The following DGKZ variants were observed in gnomAD, a reference collection of about 807,000 sequenced individuals.
The protein encoded by DGKZ is DAG kinase zeta.
DGKZ carries 45 observed loss-of-function variants against 142.5 expected under a neutral mutation model. The observed-to-expected ratio is 0.32, with a 90% CI of 0.25 to 0.40. DGKZ has a LOEUF of 0.40. DGKZ is among the 10% of genes least tolerant of loss of function. DGKZ has a pLI of 1.00. For synonymous variants in DGKZ, 442 were observed against 527.0 expected (o/e 0.84, Z 2.21); for missense variants, 755 against 1,306.5 (o/e 0.58, Z 6.51).
chr11:46,354,758 C>CCT (rs762377545), intron 1 of DGKZ, among the ~76,000 whole-genome samples: 2 of 152,218 alleles, frequency 1.3e-5, no homozygotes, highest in African/African-American at 2.4e-5. Context: ...TAGCAACATA[C>CCT]AGTGCTGTTT....
intron 6 of DGKZ, among the ~76,000 whole-genome samples, chr11:46,370,251 G>A (rs1943795745): frequency 6.6e-6 from 1 of 152,254 alleles, no homozygotes; most frequent in African/African-American, 2.4e-5. Flanking sequence ...CTGCTTTGAA[G>A]CTGCAAGTGG....
intron 1 of DGKZ, among the ~76,000 whole-genome samples, chr11:46,356,121 A>G (rs867055897): frequency 5.3e-5 from 8 of 152,216 alleles, no homozygotes; most frequent in Admixed American, 2.6e-4. Flanking sequence ...CTCTGCAGAC[A>G]CAGGAGAAGA....
At chr11:46,361,670 A>G in intron 1 of DGKZ, 1 of 985,384 alleles carries the variant, frequency 1.0e-6, no homozygotes, top group Non-Finnish European at 1.2e-6. Flanking sequence ...GGCCTTGGGG[A>G]CCCCAGCTCC....
chr11:46,347,525 G>T lies in DGKZ; in HGVS notation c.-135G>T. The T allele has an allele frequency of 1.0e-6, 1 of 982,522 alleles. No homozygotes were observed. The highest frequency in any genetic ancestry group is 1.2e-6 in the Non-Finnish European group (1 of 829,256). 60.9% of individuals were successfully genotyped at this position (982,522 alleles called of 1,614,324 possible). A position where few individuals can be genotyped will look rare whatever the true frequency, so the allele number is the denominator to read the frequency against. Reference sequence around the variant, plus strand: ...GCACCTGGGCGTGGGGAGCGGGGGCGCGCGGCGCGGGGCGGGCGGAGCGAG... The same window carrying T: ...GCACCTGGGCGTGGGGAGCGGGGGCTCGCGGCGCGGGGCGGGCGGAGCGAG... On this transcript the variant is annotated 5_prime_UTR_variant, in exon 1 of 31. Transcript: ENST00000527911. This position sits in a 1 kb window ranked among gnomAD's most constrained non-coding sequence, Gnocchi z 6.4.
chr11:46,354,137 G>A (rs1590439541), intron 1 of DGKZ, among the ~76,000 whole-genome samples: 1 of 152,202 alleles, frequency 6.6e-6, no homozygotes, highest in East Asian at 1.9e-4. Context: ...GGGACAGGCT[G>A]CCAAAACCAT....
rs1487067100 is a variant in DGKZ, at chr11:46,379,542, G to A, written c.2662G>A (p.Ala888Thr). The change falls in exon 30 of 31, where the codon GCC becomes ACC. Residue 888 changes from alanine to threonine, a missense_variant. Ala to Thr is a moderately conservative substitution (Grantham distance 58, BLOSUM62 0). This residue lies in a region of DGKZ where 100 missense variants were observed against 87.7 expected (regional missense o/e 1.14). Transcript: ENST00000527911. The stretch of plus-strand genomic sequence containing the variant: ...CTGCCACTACATCGTGGAGGCCGGG[G>A]CCTCGCTCATGAAGACAGACCAGCA... 1.2e-6 allele frequency: 2 copies of A among 1,610,852 alleles called. No homozygotes were observed. Among genetic ancestry groups the A allele is most frequent in the African/African-American group, 1.3e-5 (1 of 75,062 alleles).
intron 1 of DGKZ, among the ~76,000 whole-genome samples, chr11:46,334,739 C>A (rs908484917): frequency 6.6e-6 from 1 of 152,188 alleles, no homozygotes; most frequent in Non-Finnish European, 1.5e-5. Flanking sequence ...GAACACCACG[C>A]CCAGGGGAGT....
intron 1 of DGKZ, chr11:46,333,587 C>G (rs1018520384): frequency 3.4e-6 from 4 of 1,172,602 alleles, no homozygotes; most frequent in Non-Finnish European, 4.8e-6. Flanking sequence ...GCCTGCCTGG[C>G]GCTGGGAGTT....
At position 46,362,994 on chromosome 11, in the gene DGKZ, A is replaced by G. The variant is rs529653847; in HGVS notation, c.162-4297A>G. Reference sequence around the variant, plus strand: ...TTCCCATCCTGTCCCCATTGGTGTAACAGGCTCCCCACCCGGAGACCGAGG... The same window carrying G: ...TTCCCATCCTGTCCCCATTGGTGTAGCAGGCTCCCCACCCGGAGACCGAGG... On this transcript the variant is annotated intron_variant, in intron 1 of 30. Coordinates refer to ENST00000527911, the Ensembl canonical transcript of DGKZ. Among the ~76,000 whole-genome samples, 4 of 152,284 alleles carry G rather than the reference A, an allele frequency of 2.6e-5. No individual in the cohort carries two copies. The East Asian group carries it at 7.7e-4, about 29-fold the overall frequency.
intron 14 of DGKZ, among the ~76,000 whole-genome samples, chr11:46,373,358 C>G (rs1590609888): frequency 6.7e-6 from 1 of 148,548 alleles, no homozygotes; most frequent in East Asian, 2.0e-4. Context: ...GCAATCCCAG[C>G]TCACTGCAAC....
chr11:46,334,532 C>CTTGAA (rs1939916588), intron 1 of DGKZ, among the ~76,000 whole-genome samples: 1 of 152,154 alleles, frequency 6.6e-6, no homozygotes, highest in Non-Finnish European at 1.5e-5. Context: ...TGAAAGGCCT[C>CTTGAA]AGTATTCTTA....
intron 1 of DGKZ, among the ~76,000 whole-genome samples, chr11:46,336,350 G>A (rs1255406464): frequency 1.3e-5 from 2 of 152,184 alleles, no homozygotes; most frequent in Non-Finnish European, 2.9e-5. Context: ...GGGCAAGAAG[G>A]CAGGAAAGAA....
At chr11:46,375,893 C>T (rs1944473366) in exon 21 of DGKZ, 5 of 1,586,112 alleles carry the variant, frequency 3.2e-6, no homozygotes, top group Non-Finnish European at 4.3e-6. Context: ...AGGTGAGTCG[C>T]GTCAGCATGC....
chr11:46,361,797 C>A, intron 1 of DGKZ: 1 of 539,680 alleles, frequency 1.9e-6, no homozygotes, highest in Non-Finnish European at 2.4e-6. Flanking sequence ...TCCGGGCGGA[C>A]CCGGGCCCCA....
intron 1 of DGKZ, among the ~76,000 whole-genome samples, chr11:46,352,713 G>A (rs1360673884): frequency 2.0e-5 from 3 of 152,202 alleles, no homozygotes; most frequent in African/African-American, 7.2e-5. Context: ...TGCAGGAAGC[G>A]GGATCTGCCA....
chr11:46,343,194 A>G (rs1325675348), upstream of DGKZ, among the ~76,000 whole-genome samples: 1 of 152,170 alleles, frequency 6.6e-6, no homozygotes, highest in Non-Finnish European at 1.5e-5. Flanking sequence ...CATTAAGAGG[A>G]TTCAAAGAGC....
At chr11:46,375,658 G>A in intron 20 of DGKZ, 27 bp downstream of exon 20, 6 of 1,535,806 alleles carry the variant, frequency 3.9e-6, no homozygotes, top group South Asian at 2.4e-5. Flanking sequence ...CACGTGCCCT[G>A]GGTGCCAAGG....
chr11:46,360,457 G>A (rs1232949394), intron 1 of DGKZ, among the ~76,000 whole-genome samples: 1 of 151,228 alleles, frequency 6.6e-6, no homozygotes, highest in Non-Finnish European at 1.5e-5. Flanking sequence ...TGCCCAGGGA[G>A]GGCGTGGAAG....
intron 23 of DGKZ, 31 bp downstream of exon 23, chr11:46,376,428 T>G (rs762133924): frequency 2.5e-6 from 4 of 1,614,058 alleles, no homozygotes; most frequent in Admixed American, 1.7e-5. Context: ...CCAAGCTGTT[T>G]CGTGTTCCCT....
Sources: gnomAD v4.1 joint callset for allele counts (sites outside exome capture counted in the v4.1 genomes callset) on GRCh38, gnomAD v4.1.1 for gene constraint, gnomAD v4.1.1 regional missense constraint, Gnocchi (gnomAD v3.1) non-coding constraint, MANE v1.5 for transcripts, NCBI Gene and HGNC (gene_info 2026-07-23, HGNC 2026-07-21) for gene names.